LUZP2: variants seen among roughly 807,000 people sequenced by gnomAD.
LUZP2 encodes the protein leucine zipper protein 2.
In LUZP2, 52 loss-of-function variants were observed where a neutral mutation model predicts 51.6. That is an observed-to-expected ratio of 1.01 (90% CI 0.81 to 1.27). The LOEUF (loss-of-function observed/expected upper bound fraction) is 1.27. LUZP2 is among the 50% of genes most tolerant of loss of function. The pLI is 0.00. For synonymous variants in LUZP2, 154 were observed against 137.3 expected, an observed-to-expected ratio of 1.12 and a Z score of -0.85; for missense variants, 436 against 395.4, an observed-to-expected ratio of 1.10 and a Z score of -0.87.
At chr11:24,549,198 T>A (rs1039102597) in intron 1 of LUZP2, among the ~76,000 whole-genome samples, 4 of 152,096 alleles carry the variant, frequency 2.6e-5, no homozygotes, top group African/African-American at 7.2e-5. Context: ...TTAAGTTTGT[T>A]ATATATTATT....
At chr11:24,665,649 C>T (rs967343154) in intron 1 of LUZP2, among the ~76,000 whole-genome samples, 7 of 152,152 alleles carry the variant, frequency 4.6e-5, no homozygotes, top group African/African-American at 9.6e-5. Context: ...ATTTGTCATG[C>T]GCTCGGATGG....
At chr11:24,664,775 T>C (rs1464148215) in intron 1 of LUZP2, among the ~76,000 whole-genome samples, 2 of 152,162 alleles carry the variant, frequency 1.3e-5, no homozygotes, top group African/African-American at 4.8e-5. Flanking sequence ...AAGTACAAAA[T>C]TGAGGTTTGG....
At chr11:24,597,051 A>C (rs1853466295) in intron 1 of LUZP2, among the ~76,000 whole-genome samples, 1 of 152,190 alleles carries the variant, frequency 6.6e-6, no homozygotes. Flanking sequence ...ATTTCAATAA[A>C]AGAGTGCCAT....
intron 7 of LUZP2, among the ~76,000 whole-genome samples, chr11:24,960,009 A>G (rs1855344238): frequency 6.6e-6 from 1 of 152,152 alleles, no homozygotes; most frequent in African/African-American, 2.4e-5. Flanking sequence ...TGAGATAATC[A>G]TGTGGTTTTT....
intron 7 of LUZP2, among the ~76,000 whole-genome samples, chr11:24,916,589 G>GT (rs1466414639): frequency 1.3e-5 from 2 of 151,962 alleles, no homozygotes; most frequent in African/African-American, 2.4e-5. Context: ...GTGGTGTTTG[G>GT]TTTTTTGTCC....
intron 1 of LUZP2, among the ~76,000 whole-genome samples, chr11:24,695,553 A>T (rs1331406245): frequency 6.6e-6 from 1 of 152,058 alleles, no homozygotes; most frequent in Non-Finnish European, 1.5e-5. Flanking sequence ...ACTGTAGTAC[A>T]CGAGAACTTA....
intron 1 of LUZP2, among the ~76,000 whole-genome samples, chr11:24,655,565 A>C (rs1855774158): frequency 6.6e-6 from 1 of 152,172 alleles, no homozygotes; most frequent in Non-Finnish European, 1.5e-5. Flanking sequence ...AATTGGTAAA[A>C]TAGTAGGCAA....
intron 1 of LUZP2, among the ~76,000 whole-genome samples, chr11:24,721,186 T>C (rs1217971239): frequency 6.6e-6 from 1 of 152,204 alleles, no homozygotes; most frequent in Non-Finnish European, 1.5e-5. Context: ...CTGCTTATAT[T>C]TGCAGCATAG....
chr11:24,975,953 C>T (rs1473406775), intron 7 of LUZP2, among the ~76,000 whole-genome samples: 2 of 151,946 alleles, frequency 1.3e-5, no homozygotes, highest in African/African-American at 4.8e-5. Flanking sequence ...TATTATCTCT[C>T]AGTTCTGGAT....
chr11:24,685,805 A>G (rs1413214558), intron 1 of LUZP2, among the ~76,000 whole-genome samples: 1 of 152,204 alleles, frequency 6.6e-6, no homozygotes, highest in East Asian at 1.9e-4. Flanking sequence ...ACAATTATTT[A>G]TGTTATTTAT....
intron 5 of LUZP2, among the ~76,000 whole-genome samples, chr11:24,880,065 C>T (rs1297765195): frequency 1.3e-5 from 2 of 152,164 alleles, no homozygotes; most frequent in African/African-American, 4.8e-5. Context: ...GACTTCCTTT[C>T]CAATTTATTT....
rs1852128714 is a variant in LUZP2, at chr11:24,563,711, GAGA to G, written c.62+66410_62+66412del. Among the ~76,000 whole-genome samples the G allele has an allele frequency of 2.6e-5, 4 of 151,898 alleles. No individual in the cohort carries two copies. In the South Asian group the frequency reaches 8.3e-4, roughly 32 times the overall value. On this transcript the variant is annotated intron_variant, in intron 1 of 11. Transcript: ENST00000336930. ...CATCTTTCTTAGCATAGGAAAGTGGGAGAAGATGAGGAAACAAATATAGTATGT... is the reference window on the plus strand; with the variant it reads ...CATCTTTCTTAGCATAGGAAAGTGGGAGATGAGGAAACAAATATAGTATGT...
At chr11:24,681,246 G>T (rs1195301085) in intron 1 of LUZP2, among the ~76,000 whole-genome samples, 1 of 152,142 alleles carries the variant, frequency 6.6e-6, no homozygotes, top group South Asian at 2.1e-4. Flanking sequence ...CTCCCAAAGT[G>T]CTGGGATTAC....
intron 7 of LUZP2, among the ~76,000 whole-genome samples, chr11:24,949,316 CTA>C: frequency 9.0e-6 from 1 of 111,354 alleles, no homozygotes; most frequent in South Asian, 2.6e-4. Flanking sequence ...ATCTATCTAT[CTA>C]TCTATCTATC....
At chr11:24,799,081 T>C (rs893714397) in intron 5 of LUZP2, among the ~76,000 whole-genome samples, 5 of 152,168 alleles carry the variant, frequency 3.3e-5, no homozygotes, top group African/African-American at 1.2e-4. Context: ...CTCACTGTCA[T>C]TTTCTCTTTC....
chr11:25,030,816 C>G (rs1422586690), intron 9 of LUZP2, among the ~76,000 whole-genome samples: 1 of 142,744 alleles, frequency 7.0e-6, no homozygotes, highest in Admixed American at 7.6e-5. Flanking sequence ...AAATACTAAT[C>G]TTTTGATTTG....
At chr11:24,602,178 G>GTGTATATATGTATATA (rs1392856977) in intron 1 of LUZP2, among the ~76,000 whole-genome samples, 1 of 112,044 alleles carries the variant, frequency 8.9e-6, no homozygotes, top group African/African-American at 3.4e-5. Context: ...GTATATATAT[G>GTGTATATATGTATATA]TGTATATATG....
intron 1 of LUZP2, among the ~76,000 whole-genome samples, chr11:24,603,087 C>T (rs1437423481): frequency 1.3e-5 from 2 of 151,684 alleles, no homozygotes; most frequent in Non-Finnish European, 3.0e-5. Context: ...GGCTATGGCA[C>T]ATTCAGGTCC....
At chr11:24,781,918 C>T (rs1182300248) in intron 5 of LUZP2, among the ~76,000 whole-genome samples, 1 of 151,896 alleles carries the variant, frequency 6.6e-6, no homozygotes, top group Non-Finnish European at 1.5e-5. Flanking sequence ...AAGGATGGGG[C>T]CTGAGAGTCT....
Sources: allele counts gnomAD v4.1 joint callset (sites outside exome capture counted in the v4.1 genomes callset), GRCh38; gene constraint gnomAD v4.1.1; transcripts MANE v1.5; gene names NCBI Gene and HGNC (gene_info 2026-07-23, HGNC 2026-07-21).